Variants in MLF1 observed in about 807,000 individuals in gnomAD.
MLF1 encodes the protein myeloid leukemia factor 1.
In MLF1, 37 loss-of-function variants were observed where a neutral mutation model predicts 38.3. That is an observed-to-expected ratio of 0.96 (90% CI 0.74 to 1.27). MLF1 has a LOEUF of 1.27. Ranked by LOEUF, MLF1 falls within the 50% of genes most tolerant of loss-of-function variation. The pLI is 0.00. For missense variants in MLF1, 331 were observed against 349.2 expected (o/e 0.95, Z 0.42); for synonymous variants, 95 against 106.5 (o/e 0.89, Z 0.66).
At chr3:158,578,397 G>T (rs1193210046) in intron 1 of MLF1, among the ~76,000 whole-genome samples, 1 of 151,882 alleles carries the variant, frequency 6.6e-6, no homozygotes, top group Non-Finnish European at 1.5e-5. Flanking sequence ...GTGTGTGTGT[G>T]TGTGTACATA....
intron 1 of MLF1, among the ~76,000 whole-genome samples, chr3:158,578,432 A>G (rs1414130181): frequency 6.6e-6 from 1 of 151,300 alleles, no homozygotes; most frequent in East Asian, 1.9e-4. Flanking sequence ...TTTTAAAAAC[A>G]ATAAATTATT....
At chr3:158,595,631 T>C (rs1328769083) in intron 3 of MLF1, among the ~76,000 whole-genome samples, 1 of 152,192 alleles carries the variant, frequency 6.6e-6, no homozygotes, top group Non-Finnish European at 1.5e-5. Flanking sequence ...TTAATTCTAC[T>C]TCAGTCCTTT....
chr3:158,600,218 A>G, intron 6 of MLF1, 45 bp downstream of exon 6: 1 of 1,261,954 alleles, frequency 7.9e-7, no homozygotes, highest in Non-Finnish European at 1.0e-6. Flanking sequence ...TAAATTTAAA[A>G]TAACAGCCGT....
In MLF1 at chr3:158,575,143, ATCAGTTAC is replaced by A. The variant is rs1247476226; in HGVS notation, c.47+3799_47+3806del. ...CTCTGTGCTTAGGGTGAAAAGGACC[ATCAGTTAC>A]TCTTTCAGTTATCACTATCTATAGC... On this transcript the variant is annotated intron_variant, in intron 1 of 7. Transcript: ENST00000466246. Among the ~76,000 whole-genome samples, 3 of 152,342 alleles carry A rather than the reference ATCAGTTAC, an allele frequency of 2.0e-5. No individual in the cohort carries two copies. In the East Asian group the frequency reaches 5.8e-4, roughly 29 times the overall value.
At chr3:158,581,322 C>T (rs1051216211) in intron 1 of MLF1, among the ~76,000 whole-genome samples, 1 of 152,176 alleles carries the variant, frequency 6.6e-6, no homozygotes, top group African/African-American at 2.4e-5. Context: ...CTCATGCTTC[C>T]AGCAGAAGAG....
intron 1 of MLF1, among the ~76,000 whole-genome samples, chr3:158,590,136 T>C (rs189432991): frequency 6.6e-6 from 1 of 152,302 alleles, no homozygotes; most frequent in East Asian, 1.9e-4. Flanking sequence ...ATTTAAAACC[T>C]GTATCTGATA....
In MLF1 at chr3:158,602,240, A is replaced by G. The variant is rs73154378; in HGVS notation, c.614-567A>G. ...TACTGAGTATTTCACAATAATCAACATTTTGATGAAAAATTGAGTGAAGGA... is the reference window on the plus strand; with the variant it reads ...TACTGAGTATTTCACAATAATCAACGTTTTGATGAAAAATTGAGTGAAGGA... On this transcript the variant is annotated intron_variant, in intron 6 of 7. Transcript: ENST00000466246. Among the ~76,000 whole-genome samples the G allele has an allele frequency of 3.2e-3, 495 of 152,328 alleles. 1 individual carries two copies. Among genetic ancestry groups the G allele is most frequent in the Non-Finnish European group, 4.5e-3 (304 of 68,032 alleles).
chr3:158,586,701 G>A (rs993541421), intron 1 of MLF1, among the ~76,000 whole-genome samples: 2 of 152,204 alleles, frequency 1.3e-5, no homozygotes, highest in South Asian at 2.1e-4. Context: ...AAAAACCCCC[G>A]ACTAGCTCAT....
intron 1 of MLF1, among the ~76,000 whole-genome samples, chr3:158,575,782 T>C (rs1256792564): frequency 6.6e-6 from 1 of 152,152 alleles, no homozygotes; most frequent in Admixed American, 6.5e-5. Flanking sequence ...AATTATCATT[T>C]GCATTCAACA....
chr3:158,602,987 G>T (rs1720022034), intron 7 of MLF1, 48 bp downstream of exon 7: 1 of 1,526,580 alleles, frequency 6.6e-7, no homozygotes, highest in Admixed American at 1.9e-5. Flanking sequence ...AGAATTTGAA[G>T]TAAAGTTATG....
At chr3:158,585,417 C>T (rs913330892) in intron 1 of MLF1, among the ~76,000 whole-genome samples, 2 of 152,168 alleles carry the variant, frequency 1.3e-5, no homozygotes, top group Non-Finnish European at 1.5e-5. Flanking sequence ...ATGCTGGCTC[C>T]ATGATTCTTG....
rs1719509510 is a variant in MLF1, at chr3:158,600,045, CTG to C, written c.486_487del (p.Asp163GlnfsTer14). Reference sequence around the variant, plus strand: ...GAAACCAGGAAAGCAATGAGAGATTCTGACAGTGGACTAGAAAAAATGGCTAT... The same window carrying C: ...GAAACCAGGAAAGCAATGAGAGATTCACAGTGGACTAGAAAAAATGGCTAT... On this transcript the variant is annotated frameshift_variant, in exon 6 of 8. Coordinates refer to ENST00000466246, the MANE Select transcript of MLF1 (RefSeq NM_001369783.1). LOFTEE classifies it high-confidence loss of function. 1 of 1,436,018 alleles carries C rather than the reference CTG, an allele frequency of 7.0e-7. No individual in the cohort carries two copies. Among genetic ancestry groups the C allele is most frequent in the Non-Finnish European group, 9.2e-7 (1 of 1,087,340 alleles). The allele number at this position is 1,436,018 out of a possible 1,614,324, so 89.0% of individuals were successfully genotyped here. A position where few individuals can be genotyped will look rare whatever the true frequency, so the allele number is the denominator to read the frequency against.
intron 1 of MLF1, among the ~76,000 whole-genome samples, chr3:158,578,380 A>T (rs1385496911): frequency 6.7e-6 from 1 of 149,380 alleles, no homozygotes; most frequent in East Asian, 2.0e-4. Flanking sequence ...AGGCAAAATA[A>T]GTGTGTGTGT....
chr3:158,579,166 C>A (rs1644170303), intron 1 of MLF1, among the ~76,000 whole-genome samples: 1 of 151,808 alleles, frequency 6.6e-6, no homozygotes, highest in Non-Finnish European at 1.5e-5. Flanking sequence ...ATTTGTTTTC[C>A]TAGAAGAATG....
chr3:158,572,728 T>G (rs1479809481), intron 1 of MLF1, among the ~76,000 whole-genome samples: 81 of 35,862 alleles, frequency 2.3e-3, no homozygotes, highest in African/African-American at 3.0e-3. Flanking sequence ...GGTGTGGGGG[T>G]AGGAGGGTTG....
rs1490205915 is a variant in MLF1, at chr3:158,592,562, A to G, written c.176A>G (p.Asp59Gly). The G allele has an allele frequency of 6.2e-7, 1 of 1,608,230 alleles. No individual in the cohort carries two copies. ...GCTCATAATCGTAGAGGACATAATG[A>G]TGGTGAAGATTCTTTGACTGTAAGT... ...GRAHNRRGHN[D>G]GEDSLTATSC... Residue 59 changes from aspartate (D) to glycine (G), a missense_variant, in exon 2 of 8, where the codon GAT (aspartate) becomes GGT (glycine). By Grantham distance (94) the Asp-to-Gly change is moderately conservative (BLOSUM62 -1). Coordinates refer to ENST00000466246, the MANE Select transcript of MLF1 (RefSeq NM_001369783.1).
intron 7 of MLF1, among the ~76,000 whole-genome samples, chr3:158,604,765 C>G (rs1576698352): frequency 6.6e-6 from 1 of 152,010 alleles, no homozygotes; most frequent in South Asian, 2.1e-4. Flanking sequence ...TTCAGGCAAT[C>G]CTCCTGCTTC....
chr3:158,584,902 G>T (rs1716991743), intron 1 of MLF1, among the ~76,000 whole-genome samples: 1 of 151,888 alleles, frequency 6.6e-6, no homozygotes, highest in Admixed American at 6.6e-5. Context: ...GCCAGGCACA[G>T]TGGTGCACAT....
intron 1 of MLF1, among the ~76,000 whole-genome samples, chr3:158,581,439 G>A (rs1278789885): frequency 6.6e-6 from 1 of 152,162 alleles, no homozygotes; most frequent in Non-Finnish European, 1.5e-5. Context: ...CTGGGGGAAG[G>A]CAAATACCCA....
Sources: allele counts gnomAD v4.1 joint callset (sites outside exome capture counted in the v4.1 genomes callset), GRCh38; gene constraint gnomAD v4.1.1; transcripts MANE v1.5; gene names NCBI Gene and HGNC (gene_info 2026-07-23, HGNC 2026-07-21).